Variants in GPC6 observed in about 807,000 individuals in gnomAD.
The protein encoded by GPC6 is glypican-6.
GPC6 carries 14 observed loss-of-function variants against 55.2 expected under a neutral mutation model. The observed-to-expected ratio is 0.25, with a 90% CI of 0.17 to 0.40. The LOEUF is 0.40. Ranked by LOEUF, GPC6 falls within the 10% of genes least tolerant of loss-of-function variation. GPC6 has a pLI of 1.00. For synonymous variants in GPC6, 278 were observed against 259.6 expected, an observed-to-expected ratio of 1.07 and a Z score of -0.68; for missense variants, 641 against 708.5, an observed-to-expected ratio of 0.90 and a Z score of 1.08.
At chr13:93,398,201 C>T (rs878895241) in intron 1 of GPC6, among the ~76,000 whole-genome samples, 13 of 152,262 alleles carry the variant, frequency 8.5e-5, no homozygotes, top group South Asian at 8.3e-4. Context: ...ACAAGAAAGA[C>T]CAAGTCCACT....
chr13:93,580,215 A>G (rs1446039148), intron 2 of GPC6, among the ~76,000 whole-genome samples: 1 of 152,140 alleles, frequency 6.6e-6, no homozygotes, highest in Admixed American at 6.5e-5. Flanking sequence ...TGGAAAGAGC[A>G]AAATAACTCT....
intron 6 of GPC6, among the ~76,000 whole-genome samples, chr13:94,312,264 G>C (rs1281003914): frequency 6.6e-6 from 1 of 152,182 alleles, no homozygotes. Context: ...TGACAAACAT[G>C]TTGTTAATAT....
chr13:93,619,569 A>G (rs1334120150), intron 2 of GPC6, among the ~76,000 whole-genome samples: 1 of 152,030 alleles, frequency 6.6e-6, no homozygotes, highest in East Asian at 1.9e-4. Flanking sequence ...CTCTTGCCTC[A>G]GCCACTTGAG....
chr13:94,403,528 T>G lies in GPC6; in HGVS notation c.*311T>G. On this transcript the variant is annotated 3_prime_UTR_variant, in exon 9 of 9. Coordinates refer to ENST00000377047, the MANE Select transcript of GPC6 (RefSeq NM_005708.5). ...TTTATGCTGCAGAAGTAAAGGAATC[T>G]CACGTTGTGAGGGTTTTTTTTTTCT... 5.8e-6 allele frequency: 2 copies of G among 346,098 alleles called. No individual in the cohort carries two copies. 21.4% of individuals were successfully genotyped at this position (346,098 alleles called of 1,614,324 possible). A position where few individuals can be genotyped will look rare whatever the true frequency, so the allele number is the denominator to read the frequency against.
At chr13:93,846,195 A>G (rs921320768) in intron 3 of GPC6, among the ~76,000 whole-genome samples, 1 of 152,142 alleles carries the variant, frequency 6.6e-6, no homozygotes, top group Non-Finnish European at 1.5e-5. Flanking sequence ...TTATGTCATT[A>G]TAATATCATC....
At chr13:93,540,806 A>G (rs193059178) in intron 1 of GPC6, among the ~76,000 whole-genome samples, 2 of 152,224 alleles carry the variant, frequency 1.3e-5, no homozygotes, top group African/African-American at 4.8e-5. Flanking sequence ...ATAATTTTGT[A>G]TCCTTTAACA....
At chr13:93,979,355 A>AT (rs535318611) in intron 3 of GPC6, among the ~76,000 whole-genome samples, 53 of 116,054 alleles carry the variant, frequency 4.6e-4, no homozygotes, top group African/African-American at 9.3e-4. Flanking sequence ...GTTTTTTTTA[A>AT]TTTTTTTTTT....
chr13:94,278,077 G>C (rs1466344913), intron 4 of GPC6, among the ~76,000 whole-genome samples: 2 of 152,126 alleles, frequency 1.3e-5, no homozygotes, highest in African/African-American at 4.8e-5. Flanking sequence ...AGGATGGAAT[G>C]TTTTTCCATT....
chr13:93,804,754 A>G (rs1886491152), intron 2 of GPC6, among the ~76,000 whole-genome samples: 2 of 152,082 alleles, frequency 1.3e-5, no homozygotes, highest in Non-Finnish European at 2.9e-5. Flanking sequence ...TCTCTTGACA[A>G]CTATCCTAGT....
chr13:93,522,889 G>A (rs977879128), intron 1 of GPC6, among the ~76,000 whole-genome samples: 6 of 151,938 alleles, frequency 3.9e-5, no homozygotes, highest in African/African-American at 1.2e-4. Context: ...ACATTTCAGT[G>A]ATTTTGTTTA....
At chr13:93,509,039 C>G (rs1184523603) in intron 1 of GPC6, among the ~76,000 whole-genome samples, 1 of 152,138 alleles carries the variant, frequency 6.6e-6, no homozygotes, top group African/African-American at 2.4e-5. Context: ...GATGGCAGAG[C>G]AAGCCTTCAG....
At chr13:93,999,628 C>G (rs1881711206) in intron 3 of GPC6, among the ~76,000 whole-genome samples, 1 of 152,142 alleles carries the variant, frequency 6.6e-6, no homozygotes, top group East Asian at 1.9e-4. Flanking sequence ...GGATTTTCTA[C>G]TTTTTAAAGA....
chr13:93,356,201 T>C (rs2225189), intron 1 of GPC6, among the ~76,000 whole-genome samples: 62,823 of 152,002 alleles, frequency 0.41, 14,619 homozygotes, highest in East Asian at 0.92. Context: ...GATGAAATAA[T>C]ATCACCCATT....
At chr13:93,881,717 CAA>C (rs1491308834) in intron 3 of GPC6, among the ~76,000 whole-genome samples, 1 of 150,394 alleles carries the variant, frequency 6.6e-6, no homozygotes, top group African/African-American at 2.5e-5. Flanking sequence ...ACATATGGTT[CAA>C]TATATATATA....
At chr13:94,135,253 CAAAAA>C (rs10535164) in intron 4 of GPC6, among the ~76,000 whole-genome samples, 1 of 137,510 alleles carries the variant, frequency 7.3e-6, no homozygotes. Context: ...AGCTAGTATG[CAAAAA>C]AAAAAAAAAA....
At chr13:93,339,245 C>T (rs1880151769) in intron 1 of GPC6, among the ~76,000 whole-genome samples, 1 of 151,920 alleles carries the variant, frequency 6.6e-6, no homozygotes, top group African/African-American at 2.4e-5. Context: ...CTTAATATTC[C>T]TACTGATTAT....
chr13:94,351,488 T>C (rs1878540607), intron 6 of GPC6, among the ~76,000 whole-genome samples: 1 of 152,092 alleles, frequency 6.6e-6, no homozygotes, highest in Admixed American at 6.6e-5. Flanking sequence ...AACGGAGGCC[T>C]CCACAGAGAT....
At chr13:93,785,525 A>C (rs1885792808) in intron 2 of GPC6, among the ~76,000 whole-genome samples, 1 of 152,194 alleles carries the variant, frequency 6.6e-6, no homozygotes, top group Admixed American at 6.5e-5. Flanking sequence ...CGATTTGAGA[A>C]GCATCAATTT....
intron 6 of GPC6, among the ~76,000 whole-genome samples, chr13:94,326,532 A>G (rs1192673812): frequency 6.6e-6 from 1 of 152,166 alleles, no homozygotes; most frequent in Non-Finnish European, 1.5e-5. Context: ...TTTCTGACAG[A>G]CTTTATTTTC....
Sources: allele counts gnomAD v4.1 joint callset (sites outside exome capture counted in the v4.1 genomes callset), GRCh38; gene constraint gnomAD v4.1.1; transcripts MANE v1.5; gene names NCBI Gene and HGNC (gene_info 2026-07-23, HGNC 2026-07-21).